Variants in SLCO3A1 observed in about 807,000 individuals in gnomAD.
SLCO3A1 encodes solute carrier organic anion transporter family member 3A1.
In SLCO3A1, 27 loss-of-function variants were observed where a neutral mutation model predicts 63.1. The ratio of observed to expected loss-of-function variants is 0.43; its 90% CI spans 0.32 to 0.59. SLCO3A1 has a LOEUF of 0.59. SLCO3A1 is among the 20% of genes least tolerant of loss of function. The pLI, the probability that SLCO3A1 is intolerant of heterozygous loss-of-function variation, is 0.09. For synonymous variants in SLCO3A1, 473 were observed against 409.9 expected, an observed-to-expected ratio of 1.15 and a Z score of -1.86; for missense variants, 773 against 945.8, an observed-to-expected ratio of 0.82 and a Z score of 2.40.
At position 91,885,669 on chromosome 15, in the gene SLCO3A1, C is replaced by T. The variant is rs900583511; in HGVS notation, c.181-30324C>T. ...CATTCTCTGTCCTTGATTTCATTCA[C>T]AGTAGACAGTTTTAGGTAGATCCCT... On this transcript the variant is annotated intron_variant, in intron 1 of 9. Transcript: ENST00000318445. The surrounding 1 kb of genome is among the most constrained non-coding windows in gnomAD (Gnocchi z 4.7). 5.3e-5 allele frequency among the ~76,000 whole-genome samples: 8 copies of T among 152,212 alleles called. No individual in the cohort carries two copies. Among genetic ancestry groups the T allele is most frequent in the Non-Finnish European group, 1.2e-4 (8 of 68,050 alleles).
intron 2 of SLCO3A1, among the ~76,000 whole-genome samples, chr15:92,003,951 G>A (rs1245313474): frequency 6.6e-6 from 1 of 152,214 alleles, no homozygotes; most frequent in Non-Finnish European, 1.5e-5. Flanking sequence ...CTCAGCAGCT[G>A]TAGCTGTCAG....
chr15:92,148,568 C>T (rs2048261337), intron 8 of SLCO3A1, among the ~76,000 whole-genome samples: 1 of 152,110 alleles, frequency 6.6e-6, no homozygotes, highest in Non-Finnish European at 1.5e-5. Context: ...AAGGCTGTGG[C>T]AAAACTGACA....
At chr15:91,899,418 T>TG (rs1898094869) in intron 1 of SLCO3A1, among the ~76,000 whole-genome samples, 2 of 152,160 alleles carry the variant, frequency 1.3e-5, no homozygotes, top group South Asian at 4.1e-4. Context: ...GGTCTCTACT[T>TG]GGAGTTCCCT....
chr15:91,932,040 C>A (rs1178560806), intron 2 of SLCO3A1, among the ~76,000 whole-genome samples: 1 of 152,048 alleles, frequency 6.6e-6, no homozygotes, highest in African/African-American at 2.4e-5. Flanking sequence ...GTAGGAAGCT[C>A]CATTGAGAGA....
chr15:91,921,543 A>AGGTGCCTGCCACCACACCCGGT (rs1898845294), intron 2 of SLCO3A1, among the ~76,000 whole-genome samples: 1 of 152,120 alleles, frequency 6.6e-6, no homozygotes, highest in Non-Finnish European at 1.5e-5. Context: ...AATTGATGAT[A>AGGTGCCTGCCACCACACCCGGT]TAGTTTTTTT....
intron 2 of SLCO3A1, among the ~76,000 whole-genome samples, chr15:91,964,034 A>G (rs1220096226): frequency 1.3e-5 from 2 of 152,160 alleles, no homozygotes; most frequent in Non-Finnish European, 2.9e-5. Context: ...CAGAGCACTG[A>G]TTGGTGCATT....
At chr15:92,017,914 C>T (rs1056706910) in intron 2 of SLCO3A1, among the ~76,000 whole-genome samples, 1 of 152,074 alleles carries the variant, frequency 6.6e-6, no homozygotes. Context: ...ACCACATACT[C>T]CTGGAAGGGC....
chr15:91,921,872 G>A (rs887025819), intron 2 of SLCO3A1, among the ~76,000 whole-genome samples: 5 of 152,008 alleles, frequency 3.3e-5, no homozygotes, highest in African/African-American at 1.2e-4. Context: ...TGAGATTATA[G>A]GTGCCTGCCA....
chr15:91,934,765 T>C (rs1308559451), intron 2 of SLCO3A1, among the ~76,000 whole-genome samples: 1 of 152,220 alleles, frequency 6.6e-6, no homozygotes, highest in East Asian at 1.9e-4. Context: ...CTTTTTCATT[T>C]CCTTTTCTAT....
intron 2 of SLCO3A1, among the ~76,000 whole-genome samples, chr15:91,944,865 C>A (rs945350499): frequency 6.6e-6 from 1 of 152,146 alleles, no homozygotes; most frequent in Non-Finnish European, 1.5e-5. Context: ...GCAACAGAAA[C>A]CTTGCACTTC....
intron 2 of SLCO3A1, among the ~76,000 whole-genome samples, chr15:92,054,247 G>T (rs1009968060): frequency 3.9e-5 from 6 of 152,144 alleles, no homozygotes; most frequent in African/African-American, 1.4e-4. Flanking sequence ...GACTCATGCT[G>T]TATTAAAATG....
intron 9 of SLCO3A1, among the ~76,000 whole-genome samples, chr15:92,154,680 C>T (rs1472744949): frequency 6.6e-6 from 1 of 151,908 alleles, no homozygotes; most frequent in Non-Finnish European, 1.5e-5. Context: ...CCACCAAGAG[C>T]AAGGAGTTGG....
chr15:91,881,292 T>G (rs1897578814), intron 1 of SLCO3A1, among the ~76,000 whole-genome samples: 1 of 74,068 alleles, frequency 1.4e-5, no homozygotes. Context: ...TCCCCCACCT[T>G]TTTTTTTTTT....
chr15:92,022,303 C>G (rs975011796), intron 2 of SLCO3A1, among the ~76,000 whole-genome samples: 1 of 152,168 alleles, frequency 6.6e-6, no homozygotes, highest in African/African-American at 2.4e-5. Flanking sequence ...TATTTAGGAA[C>G]AAAAACAGAC....
chr15:91,860,903 G>C lies in SLCO3A1; in HGVS notation c.180+6815G>C, dbSNP rs538895313. ...TTCTCATAAGCAGAACAATGGACCT[G>C]TTCCTGCAACCTGGTTTCCCATCCC... On this transcript the variant is annotated intron_variant, in intron 1 of 9. Coordinates refer to ENST00000318445, the MANE Select transcript of SLCO3A1 (RefSeq NM_013272.4). The surrounding 1 kb of genome is among the most constrained non-coding windows in gnomAD (Gnocchi z 5.5). 6.6e-6 allele frequency among the ~76,000 whole-genome samples: 1 copy of C among 152,250 alleles called. No homozygotes were observed. Among genetic ancestry groups the C allele is most frequent in the South Asian group, 2.1e-4 (1 of 4,828 alleles).
At chr15:91,964,585 C>A (rs1900586674) in intron 2 of SLCO3A1, among the ~76,000 whole-genome samples, 2 of 152,004 alleles carry the variant, frequency 1.3e-5, no homozygotes, top group Admixed American at 6.6e-5. Context: ...GGAGAAAAGA[C>A]CCTGGTGGAA....
intron 9 of SLCO3A1, chr15:92,161,728 GTA>G: frequency 6.6e-6 from 1 of 151,278 alleles, no homozygotes. Context: ...ACCACACACA[GTA>G]TGCCGGCGCT....
chr15:92,150,560 A>AGGGGAATTATTTTC (rs1241987337), intron 8 of SLCO3A1, among the ~76,000 whole-genome samples: 1 of 152,174 alleles, frequency 6.6e-6, no homozygotes, highest in Non-Finnish European at 1.5e-5. Flanking sequence ...GTGAAGGATA[A>AGGGGAATTATTTTC]GGGGAATTAT....
Position 91,970,595 on chromosome 15 carries a change from C to T in SLCO3A1, c.646+54137C>T, listed in dbSNP as rs368989864. Among the ~76,000 whole-genome samples the T allele has an allele frequency of 1.1e-3, 163 of 152,312 alleles. 1 individual carries two copies. Among genetic ancestry groups the T allele is most frequent in the African/African-American group, 3.8e-3 (156 of 41,572 alleles). ...AAGTGGTATCCAGCTCCCAGGGACTCACAAGGAGCCCTAATGAAACAACAT... is the reference window on the plus strand; with the variant it reads ...AAGTGGTATCCAGCTCCCAGGGACTTACAAGGAGCCCTAATGAAACAACAT... On this transcript the variant is annotated intron_variant, in intron 2 of 9. Coordinates refer to ENST00000318445, the MANE Select transcript of SLCO3A1 (RefSeq NM_013272.4).
Sources: gnomAD v4.1 joint callset for allele counts (sites outside exome capture counted in the v4.1 genomes callset) on GRCh38, gnomAD v4.1.1 for gene constraint, Gnocchi (gnomAD v3.1) non-coding constraint, MANE v1.5 for transcripts, NCBI Gene and HGNC (gene_info 2026-07-23, HGNC 2026-07-21) for gene names.